Variants in UNC79 observed in about 807,000 individuals in gnomAD.
UNC79 encodes protein unc-79 homolog.
UNC79 carries 37 observed loss-of-function variants against 283.1 expected under a neutral mutation model. That is an observed-to-expected ratio of 0.13 (90% confidence interval 0.10 to 0.17). The LOEUF (loss-of-function observed/expected upper bound fraction) is 0.17, where lower values mean the gene tolerates loss of function less well. UNC79 is among the 10% of genes least tolerant of loss of function. The pLI is 1.00. For missense variants in UNC79, 2,272 were observed against 3,211.1 expected (o/e 0.71, Z 7.07); for synonymous variants, 1,107 against 1,200.2 (o/e 0.92, Z 1.61).
At chr14:93,400,289 A>G (rs1378501348) in intron 1 of UNC79, among the ~76,000 whole-genome samples, 1 of 152,044 alleles carries the variant, frequency 6.6e-6, no homozygotes, top group African/African-American at 2.4e-5. Flanking sequence ...AAGTCAATCA[A>G]TGGCAGAGTC....
chr14:93,659,254 C>T, exon 39 of UNC79: 1 of 1,610,112 alleles, frequency 6.2e-7, no homozygotes, highest in South Asian at 1.1e-5. Flanking sequence ...TCTACCAATG[C>T]TACAAGGGTA....
At chr14:93,435,493 A>G (rs1377561631) in intron 1 of UNC79, among the ~76,000 whole-genome samples, 1 of 152,170 alleles carries the variant, frequency 6.6e-6, no homozygotes, top group East Asian at 1.9e-4. Context: ...GACCACATTC[A>G]CTTGCATGGT....
chr14:93,426,128 G>C (rs1230845119), upstream of UNC79, among the ~76,000 whole-genome samples: 1 of 151,982 alleles, frequency 6.6e-6, no homozygotes, highest in African/African-American at 2.4e-5. Context: ...TTTCTTTTTA[G>C]TATGGTAAAG....
chr14:93,682,590 ATAAT>A, intron 41 of UNC79, 23 bp from the exon 45 acceptor site: 1 of 1,595,286 alleles, frequency 6.3e-7, no homozygotes, highest in Non-Finnish European at 8.6e-7. Context: ...ACCCTTAAAA[ATAAT>A]TATCCTTTCA....
At position 93,398,150 on chromosome 14, in the gene UNC79, C is replaced by T. The variant is rs139345288; in HGVS notation, c.-351+64627C>T. 1.9e-3 allele frequency among the ~76,000 whole-genome samples: 296 copies of T among 152,218 alleles called. 1 individual carries two copies. The highest frequency in any genetic ancestry group is 3.4e-3 in the Middle Eastern group (1 of 294). ...AGTAGTACTTCACTAGAAAAAAAGTCTGGCTGTTCTGTTTTACAAGATATA... is the reference window on the plus strand; with the variant it reads ...AGTAGTACTTCACTAGAAAAAAAGTTTGGCTGTTCTGTTTTACAAGATATA... On this transcript the variant is annotated intron_variant, in intron 1 of 49. Transcript: ENST00000256339.
At position 93,654,044 on chromosome 14, in the gene UNC79, C is replaced by T; in HGVS notation, c.6282+19C>T. ...CCTAGAGGTGGGTTTCCTTTAATGA[C>T]ACCCTAAGCCCCAGCCGAAACTCTA... On this transcript the variant is annotated intron_variant, in intron 37 of 48. Coordinates refer to ENST00000555664, the Ensembl canonical transcript of UNC79. 4.3e-6 allele frequency: 7 copies of T among 1,610,460 alleles called. No individual in the cohort carries two copies. Among genetic ancestry groups the T allele is most frequent in the Non-Finnish European group, 5.9e-6 (7 of 1,176,846 alleles).
intron 35 of UNC79, among the ~76,000 whole-genome samples, chr14:93,650,174 G>T (rs2070092633): frequency 6.6e-6 from 1 of 152,068 alleles, no homozygotes; most frequent in Non-Finnish European, 1.5e-5. Context: ...TTTCAAGGCT[G>T]AATTGTATCC....
At chr14:93,572,627 G>A (rs2063270550) in intron 15 of UNC79, 66 bp from the exon 16 acceptor site, 4 of 1,593,590 alleles carry the variant, frequency 2.5e-6, no homozygotes, top group African/African-American at 1.3e-5. Context: ...TAGAAAGACG[G>A]TGGTGGTATT....
chr14:93,704,052 C>A (rs2075708468), intron 47 of UNC79, among the ~76,000 whole-genome samples: 1 of 152,208 alleles, frequency 6.6e-6, no homozygotes, highest in Admixed American at 6.5e-5. Flanking sequence ...GTCAGAGAGG[C>A]AGCAGAGGGC....
At chr14:93,554,947 T>G (rs1409949949) in intron 14 of UNC79, among the ~76,000 whole-genome samples, 1 of 152,204 alleles carries the variant, frequency 6.6e-6, no homozygotes, top group Non-Finnish European at 1.5e-5. Context: ...TATGTGACTC[T>G]TTTCCAGTAT....
At chr14:93,629,267 G>C (rs375817385) in intron 30 of UNC79, among the ~76,000 whole-genome samples, 1 of 152,164 alleles carries the variant, frequency 6.6e-6, no homozygotes, top group Non-Finnish European at 1.5e-5. Context: ...ATCTTTCAGA[G>C]AATCCTTGAA....
intron 1 of UNC79, among the ~76,000 whole-genome samples, chr14:93,396,525 G>A (rs986940865): frequency 6.6e-6 from 1 of 151,920 alleles, no homozygotes; most frequent in Non-Finnish European, 1.5e-5. Flanking sequence ...TTGAAAGCTA[G>A]ACATTTTAAG....
At chr14:93,397,608 A>G (rs981301798) in intron 1 of UNC79, among the ~76,000 whole-genome samples, 10 of 152,140 alleles carry the variant, frequency 6.6e-5, no homozygotes, top group African/African-American at 2.4e-4. Flanking sequence ...GCTACTTGGG[A>G]GGCTGAGGCA....
chr14:93,626,772 A>G (rs549498269), intron 30 of UNC79, among the ~76,000 whole-genome samples: 16 of 152,344 alleles, frequency 1.1e-4, no homozygotes, highest in African/African-American at 1.4e-4. Flanking sequence ...ATGTTTTAGT[A>G]TAGAGTTTGG....
chr14:93,384,530 C>T (rs1474834682), intron 1 of UNC79, among the ~76,000 whole-genome samples: 1 of 152,000 alleles, frequency 6.6e-6, no homozygotes, highest in Non-Finnish European at 1.5e-5. Flanking sequence ...GATCTTTTGC[C>T]CATTTTAAAT....
intron 1 of UNC79, among the ~76,000 whole-genome samples, chr14:93,445,195 GA>G (rs1274259946): frequency 6.6e-6 from 1 of 152,040 alleles, no homozygotes; most frequent in African/African-American, 2.4e-5. Context: ...TTTAAAAAAA[GA>G]AAAAAATATA....
At chr14:93,515,016 G>A (rs1268215356) in intron 7 of UNC79, among the ~76,000 whole-genome samples, 1 of 151,922 alleles carries the variant, frequency 6.6e-6, no homozygotes, top group Non-Finnish European at 1.5e-5. Flanking sequence ...CCTTTCTCTC[G>A]TACATCCTTT....
chr14:93,505,825 A>G (rs926426746), intron 7 of UNC79, among the ~76,000 whole-genome samples: 1 of 151,538 alleles, frequency 6.6e-6, no homozygotes, highest in Non-Finnish European at 1.5e-5. Flanking sequence ...TATTCTTTCA[A>G]TCATTACCCT....
intron 14 of UNC79, among the ~76,000 whole-genome samples, chr14:93,551,525 A>C (rs1332895250): frequency 6.6e-6 from 1 of 152,140 alleles, no homozygotes; most frequent in East Asian, 1.9e-4. Flanking sequence ...GCTGTAAATC[A>C]GTTGTTCAGC....
Sources: gnomAD v4.1 joint callset for allele counts (sites outside exome capture counted in the v4.1 genomes callset) on GRCh38, gnomAD v4.1.1 for gene constraint, MANE v1.5 for transcripts, NCBI Gene and HGNC (gene_info 2026-07-23, HGNC 2026-07-21) for gene names.